Variants in STX2 observed in about 807,000 individuals in gnomAD.
STX2 encodes the protein syntaxin 2.
A neutral mutation model predicts 40.6 loss-of-function variants in STX2; 27 were observed. The ratio of observed to expected loss-of-function variants is 0.66; its 90% CI spans 0.49 to 0.92. The LOEUF (loss-of-function observed/expected upper bound fraction) is 0.92. STX2 is among the 40% of genes least tolerant of loss of function. STX2 has a pLI of 0.00. For missense variants in STX2, 328 were observed against 366.1 expected (o/e 0.90, Z 0.85); for synonymous variants, 123 against 119.1 (o/e 1.03, Z -0.22).
chr12:130,825,873 G>A (rs978429267), intron 2 of STX2, among the ~76,000 whole-genome samples: 5 of 152,046 alleles, frequency 3.3e-5, no homozygotes, highest in African/African-American at 1.2e-4. Context: ...GTGTGTTTTC[G>A]TTTCTTCATG....
chr12:130,794,324 G>GT (rs1298946163), intron 10 of STX2, among the ~76,000 whole-genome samples: 1 of 149,640 alleles, frequency 6.7e-6, no homozygotes, highest in African/African-American at 2.6e-5. Flanking sequence ...AAAATAGACG[G>GT]TAAGAGAGTT....
chr12:130,831,267 C>T (rs1555224258), intron 1 of STX2, among the ~76,000 whole-genome samples: 1 of 152,220 alleles, frequency 6.6e-6, no homozygotes, highest in Non-Finnish European at 1.5e-5. Context: ...TAAACCTTGA[C>T]ATATACACAG....
chr12:130,807,713 T>C (rs777055470), intron 5 of STX2, among the ~76,000 whole-genome samples: 9 of 152,240 alleles, frequency 5.9e-5, no homozygotes, highest in Non-Finnish European at 1.3e-4. Flanking sequence ...CCCTACTCTT[T>C]GGAATAGAAC....
At chr12:130,796,615 G>A (rs1193740738) in intron 9 of STX2, among the ~76,000 whole-genome samples, 1 of 152,222 alleles carries the variant, frequency 6.6e-6, no homozygotes, top group Non-Finnish European at 1.5e-5. Flanking sequence ...ACTACTTGGC[G>A]ATAAGCTGCT....
chr12:130,796,040 T>C lies in STX2; in HGVS notation c.867A>G (p.Ter289TrpextTer4). ...ATGCACACTGACGTTATCCACACCA[T>C]CATTTGCCAACTGACAAGCCAATAA... The part of the protein sequence containing the change: ...ALIIGLSVGK[*>W] Residue 289 changes from the stop codon to tryptophan (W), a stop_lost, in exon 10 of 11, where the codon TGA becomes TGG. Coordinates refer to ENST00000392373, the MANE Select transcript of STX2 (RefSeq NM_194356.4). 6.2e-7 allele frequency: 1 copy of C among 1,614,128 alleles called. No individual in the cohort carries two copies. Among genetic ancestry groups the C allele is most frequent in the Non-Finnish European group, 8.5e-7 (1 of 1,180,004 alleles).
rs749841841 is a variant in STX2 at position 130,812,490 on chromosome 12, A to C, written c.280+467T>G. On this transcript the variant is annotated intron_variant, in intron 4 of 10. Coordinates refer to ENST00000392373, the MANE Select transcript of STX2 (RefSeq NM_194356.4). ...ATCATCTGCACAGAGATTGTTTTTGATCTTGATGCCATTCTGCAAAAATCA... is the reference window on the plus strand; with the variant it reads ...ATCATCTGCACAGAGATTGTTTTTGCTCTTGATGCCATTCTGCAAAAATCA... The C allele has an allele frequency of 1.8e-4, 61 of 339,568 alleles. 1 individual carries two copies. The Admixed American group carries it at 2.0e-3, about 11-fold the overall frequency. The allele number at this position is 339,568 out of a possible 1,614,324, so 21.0% of individuals were successfully genotyped here. A position where few individuals can be genotyped will look rare whatever the true frequency, so the allele number is the denominator to read the frequency against.
chr12:130,826,122 T>C (rs1320859342), intron 2 of STX2, among the ~76,000 whole-genome samples: 2 of 152,200 alleles, frequency 1.3e-5, no homozygotes, highest in Non-Finnish European at 2.9e-5. Flanking sequence ...CTGAGTCTTC[T>C]ACCTGAGCTC....
At chr12:130,803,499 G>A (rs960568544) in intron 6 of STX2, among the ~76,000 whole-genome samples, 8 of 151,530 alleles carry the variant, frequency 5.3e-5, no homozygotes, top group Admixed American at 2.0e-4. Flanking sequence ...TGAAAACCTC[G>A]TCTCTACAAA....
intron 3 of STX2, among the ~76,000 whole-genome samples, chr12:130,815,387 G>A (rs549175608): frequency 6.6e-6 from 1 of 152,348 alleles, no homozygotes; most frequent in Non-Finnish European, 1.5e-5. Context: ...ACGACGGGGT[G>A]TTCGTGCGCG....
At chr12:130,837,364 G>C (rs1161692549) in intron 1 of STX2, among the ~76,000 whole-genome samples, 1 of 152,104 alleles carries the variant, frequency 6.6e-6, no homozygotes, top group African/African-American at 2.4e-5. Context: ...CACAATCTCG[G>C]CTTTCTGCAA....
At chr12:130,837,023 G>A (rs190783373) in intron 1 of STX2, among the ~76,000 whole-genome samples, 15 of 151,640 alleles carry the variant, frequency 9.9e-5, no homozygotes, top group African/African-American at 2.4e-4. Flanking sequence ...CCAAGAAAAC[G>A]TACTTTCTCA....
At chr12:130,813,136 T>C (rs1454797083) in intron 3 of STX2, 105 bp from the exon 4 acceptor site, 3 of 716,490 alleles carry the variant, frequency 4.2e-6, no homozygotes, top group Non-Finnish European at 6.2e-6. Context: ...TTAGTAAATA[T>C]TCACTTTTTT....
chr12:130,819,688 T>C (rs570606963), intron 3 of STX2, among the ~76,000 whole-genome samples: 1 of 152,382 alleles, frequency 6.6e-6, no homozygotes, highest in African/African-American at 2.4e-5. Flanking sequence ...AAGCATGATG[T>C]TAACAGATGT....
intron 1 of STX2, among the ~76,000 whole-genome samples, chr12:130,833,966 G>A (rs970451658): frequency 6.6e-6 from 1 of 152,198 alleles, no homozygotes; most frequent in Non-Finnish European, 1.5e-5. Context: ...ACTGGGGGAA[G>A]GGTGCAGGAA....
chr12:130,798,461 T>C, intron 9 of STX2, 64 bp downstream of exon 9: 1 of 1,133,054 alleles, frequency 8.8e-7, no homozygotes, highest in Non-Finnish European at 1.3e-6. Context: ...CTTACATCAA[T>C]GTATTACAAC....
At chr12:130,792,424 G>C (rs150435819) in intron 10 of STX2, among the ~76,000 whole-genome samples, 1 of 152,276 alleles carries the variant, frequency 6.6e-6, no homozygotes, top group African/African-American at 2.4e-5. Context: ...ACACATATTT[G>C]TAAAACTTTA....
At chr12:130,812,258 G>C in intron 4 of STX2, 2 of 413,888 alleles carry the variant, frequency 4.8e-6, no homozygotes, top group South Asian at 1.7e-5. Context: ...TTTGGGTTTA[G>C]ATATAATTGT....
At chr12:130,798,072 A>C (rs1250612663) in intron 9 of STX2, among the ~76,000 whole-genome samples, 1 of 152,162 alleles carries the variant, frequency 6.6e-6, no homozygotes, top group South Asian at 2.1e-4. Context: ...ACATGGTGAA[A>C]CCCTCTCTCT....
In STX2 at chr12:130,839,238, C is replaced by T. The variant is rs1041292552; in HGVS notation, c.-139G>A. 339 of 699,942 alleles carry T rather than the reference C, an allele frequency of 4.8e-4. No homozygotes were observed. Among genetic ancestry groups the T allele is most frequent in the Non-Finnish European group, 5.7e-4 (317 of 560,380 alleles). 43.4% of individuals were successfully genotyped at this position (699,942 alleles called of 1,614,324 possible). On this transcript the variant is annotated 5_prime_UTR_variant, in exon 1 of 11. Transcript: ENST00000392373. The stretch of plus-strand genomic sequence containing the variant: ...GCAGCCCTCCCTGGAGCCGGCGCTG[C>T]CACGGCAACCGCGCCCCGCGCGCTC...
Sources: gnomAD v4.1 joint callset for allele counts (sites outside exome capture counted in the v4.1 genomes callset) on GRCh38, gnomAD v4.1.1 for gene constraint, MANE v1.5 for transcripts, NCBI Gene and HGNC (gene_info 2026-07-23, HGNC 2026-07-21) for gene names.